The following ACBD5 variants were observed in gnomAD, a reference collection of about 807,000 sequenced individuals.
ACBD5 encodes acyl-CoA binding domain containing 5.
Under a neutral mutation model 71.8 loss-of-function variants are expected in ACBD5, and 40 were observed. The ratio of observed to expected loss-of-function variants is 0.56; its 90% CI spans 0.43 to 0.72. The LOEUF (loss-of-function observed/expected upper bound fraction) is 0.72, where lower values mean the gene tolerates loss of function less well. Among genes scored for constraint, ACBD5 ranks in the 30% least tolerant of loss-of-function variants. The pLI is 0.00. For synonymous variants in ACBD5, 229 were observed against 218.6 expected (o/e 1.05, Z -0.42); for missense variants, 559 against 644.5 (o/e 0.87, Z 1.44).
At chr10:27,232,998 C>A (rs78263827) in intron 3 of ACBD5, among the ~76,000 whole-genome samples, 2,513 of 152,104 alleles carry the variant, frequency 0.017, 148 homozygotes, top group South Asian at 0.16. Context: ...TTTCATTTAA[C>A]CTGTTATTTT....
rs61006029 is a variant in ACBD5 at position 27,226,446 on chromosome 10, G to T, written c.376-2994C>A. On this transcript the variant is annotated intron_variant, in intron 4 of 12. Transcript: ENST00000396271. Reference sequence around the variant, plus strand: ...TGCACATGTACACACATGAGATACAGACTACACACACACACACACACACAC... The same window carrying T: ...TGCACATGTACACACATGAGATACATACTACACACACACACACACACACAC... 7.4e-3 allele frequency among the ~76,000 whole-genome samples: 791 copies of T among 107,202 alleles called. 7 individuals carry two copies. Among genetic ancestry groups the T allele is most frequent in the African/African-American group, 0.022 (652 of 29,590 alleles). The allele number at this position is 107,202 out of a possible 152,430, so 70.3% of individuals were successfully genotyped here.
intron 9 of ACBD5, 73 bp downstream of exon 9, chr10:27,210,741 G>A (rs2060984278): frequency 6.2e-7 from 1 of 1,601,320 alleles, no homozygotes; most frequent in East Asian, 2.2e-5. Flanking sequence ...CTGGGCGACA[G>A]AGCGCGAGAC....
At chr10:27,217,021 C>T (rs1302035262) in intron 7 of ACBD5, among the ~76,000 whole-genome samples, 1 of 151,380 alleles carries the variant, frequency 6.6e-6, no homozygotes, top group Non-Finnish European at 1.5e-5. Context: ...TGGCGGGCAC[C>T]TGTAGTCCCA....
chr10:27,197,509 A>G lies in ACBD5; in HGVS notation c.1566-67T>C, dbSNP rs532523552. On this transcript the variant is annotated intron_variant, in intron 12 of 12. Coordinates refer to ENST00000396271, the MANE Select transcript of ACBD5 (RefSeq NM_145698.5). ...TGCAAATAATTCTCTGGATGGTAAC[A>G]TAATAATAATAACATACAAATTCAA... 4.4e-6 allele frequency: 5 copies of G among 1,145,500 alleles called. No individual in the cohort carries two copies. The African/African-American group carries it at 6.2e-5, about 14-fold the overall frequency. The allele number at this position is 1,145,500 out of a possible 1,614,324, so 71.0% of individuals were successfully genotyped here.
At chr10:27,214,658 C>T (rs1241437259) in intron 8 of ACBD5, among the ~76,000 whole-genome samples, 1 of 152,212 alleles carries the variant, frequency 6.6e-6, no homozygotes, top group Non-Finnish European at 1.5e-5. Context: ...TCTCCCAATA[C>T]TGGATCTTAA....
At chr10:27,184,314 A>G (rs1248292605) in intron 13 of ACBD5, among the ~76,000 whole-genome samples, 1 of 152,130 alleles carries the variant, frequency 6.6e-6, no homozygotes, top group Admixed American at 6.6e-5. Flanking sequence ...TTGAGCAGAA[A>G]CCTGTGTAAA....
At chr10:27,223,724 A>T (rs1319930379) in intron 4 of ACBD5, among the ~76,000 whole-genome samples, 2 of 152,024 alleles carry the variant, frequency 1.3e-5, no homozygotes, top group East Asian at 3.9e-4. Context: ...TTGGCAACAC[A>T]GTGAGACCCT....
chr10:27,219,798 T>C lies in ACBD5; in HGVS notation c.550A>G (p.Ser184Gly), dbSNP rs2062106651. Residue 184 changes from serine (S) to glycine (G), a missense_variant, in exon 6 of 13, where the codon AGC becomes GGC. Transcript: ENST00000396271. The part of the protein sequence containing the change: ...NAKTVNGKAE[S>G]SDSGAESEEE... ...TCAGACTCGGCTCCACTGTCACTGCTTTCAGCTTTACCATTAACGGTTTTG... is the reference window on the plus strand; with the variant it reads ...TCAGACTCGGCTCCACTGTCACTGCCTTCAGCTTTACCATTAACGGTTTTG... 1.2e-6 allele frequency: 2 copies of C among 1,614,046 alleles called. No homozygotes were observed. Among genetic ancestry groups the C allele is most frequent in the South Asian group, 2.2e-5 (2 of 91,092 alleles).
intron 12 of ACBD5, among the ~76,000 whole-genome samples, chr10:27,201,707 G>A (rs2059946786): frequency 6.6e-6 from 1 of 152,162 alleles, no homozygotes; most frequent in South Asian, 2.1e-4. Context: ...GGAGGCTGAG[G>A]CAGGAAAATC....
intron 2 of ACBD5, among the ~76,000 whole-genome samples, chr10:27,238,988 G>A (rs1321219159): frequency 2.0e-5 from 3 of 152,156 alleles, no homozygotes; most frequent in East Asian, 1.9e-4. Context: ...ACCTGAGGTC[G>A]GGAGTTCAAT....
downstream of ACBD5, chr10:27,195,142 G>T: frequency 3.3e-6 from 1 of 299,464 alleles, no homozygotes; most frequent in Non-Finnish European, 6.5e-6. Context: ...TACTTTATGT[G>T]CGACTACTAC....
chr10:27,205,253 A>T lies in ACBD5; in HGVS notation c.1405-5T>A. 6.2e-7 allele frequency: 1 copy of T among 1,612,636 alleles called. No homozygotes were observed. The highest frequency in any genetic ancestry group is 2.2e-5 in the East Asian group (1 of 44,854). Reference sequence around the variant, plus strand: ...TGTTGATGTTGATGATTTTGCCTGTAAATGCAAATGAAGGTGACTTAGCCT... The same window carrying T: ...TGTTGATGTTGATGATTTTGCCTGTTAATGCAAATGAAGGTGACTTAGCCT... On this transcript the variant is annotated splice_region_variant and splice_polypyrimidine_tract_variant and intron_variant, in intron 10 of 12. Coordinates refer to ENST00000396271, the MANE Select transcript of ACBD5 (RefSeq NM_145698.5).
rs532170065 is a variant in ACBD5 at position 27,189,773 on chromosome 10, T to A, written c.1494-7058A>T. On this transcript the variant is annotated intron_variant, in intron 13 of 13. Transcript: ENST00000676511. ...TAGAACTTAAAGTATAATAAAAATA[T>A]ATATATATATATATAAATAAACTTT... Among the ~76,000 whole-genome samples the A allele has an allele frequency of 5.3e-3, 790 of 148,852 alleles. 9 individuals carry two copies. The highest frequency in any genetic ancestry group is 0.018 in the Middle Eastern group (5 of 284).
chr10:27,194,013 G>A (rs2136389926), downstream of ACBD5, among the ~76,000 whole-genome samples: 1 of 152,300 alleles, frequency 6.6e-6, no homozygotes, highest in South Asian at 2.1e-4. Context: ...CATTTTGGGA[G>A]GCTGAGGCAG....
chr10:27,226,009 G>A (rs2062964029), intron 4 of ACBD5, among the ~76,000 whole-genome samples: 1 of 152,078 alleles, frequency 6.6e-6, no homozygotes, highest in Admixed American at 6.6e-5. Context: ...GTCTCAGAAC[G>A]AAATAAAAGG....
chr10:27,212,154 GC>G (rs1161371709), intron 8 of ACBD5, among the ~76,000 whole-genome samples: 1 of 152,186 alleles, frequency 6.6e-6, no homozygotes, highest in East Asian at 1.9e-4. Flanking sequence ...TATGGGACCA[GC>G]CTGGCCAACA....
chr10:27,186,627 A>G, intron 13 of ACBD5: 2 of 1,171,874 alleles, frequency 1.7e-6, no homozygotes, highest in African/African-American at 3.0e-5. Context: ...CTAAGGGGGA[A>G]AGATCATTAT....
chr10:27,216,540 T>C (rs1000411715), intron 7 of ACBD5, among the ~76,000 whole-genome samples: 1 of 152,146 alleles, frequency 6.6e-6, no homozygotes, highest in African/African-American at 2.4e-5. Context: ...CCTCCCAAAG[T>C]GCGGGGATTA....
intron 2 of ACBD5, among the ~76,000 whole-genome samples, chr10:27,237,621 C>CTTTTTTTTTT (rs60724833): frequency 6.0e-5 from 8 of 133,692 alleles, no homozygotes; most frequent in Non-Finnish European, 1.1e-4. Context: ...GATAGGATAT[C>CTTTTTTTTTT]TTTTTTTTTT....
Sources: gnomAD v4.1 joint callset for allele counts (sites outside exome capture counted in the v4.1 genomes callset) on GRCh38, gnomAD v4.1.1 for gene constraint, MANE v1.5 for transcripts, NCBI Gene and HGNC (gene_info 2026-07-23, HGNC 2026-07-21) for gene names.